Variants in NME7 observed in about 807,000 individuals in gnomAD.
NME7 encodes the protein NME/NM23 family member 7, also known as nucleoside diphosphate kinase 7.
In NME7, 41 loss-of-function variants were observed where a neutral mutation model predicts 49.1. The ratio of observed to expected loss-of-function variants is 0.83; its 90% confidence interval spans 0.65 to 1.08. The LOEUF (loss-of-function observed/expected upper bound fraction) is 1.08, where lower values mean the gene tolerates loss of function less well. Ranked by LOEUF, NME7 falls within the 50% of genes least tolerant of loss-of-function variation. The pLI is 0.00. For synonymous variants in NME7, 139 were observed against 150.6 expected (o/e 0.92, Z 0.56); for missense variants, 423 against 463.4 (o/e 0.91, Z 0.80).
chr1:169,270,515 T>G (rs1342304117), intron 7 of NME7, among the ~76,000 whole-genome samples: 1 of 134,322 alleles, frequency 7.4e-6, no homozygotes, highest in South Asian at 2.3e-4. Flanking sequence ...TTTTTCTCCC[T>G]GTAGATGATG....
chr1:169,193,269 T>C (rs1660286445), intron 10 of NME7, among the ~76,000 whole-genome samples: 2 of 152,200 alleles, frequency 1.3e-5, no homozygotes, highest in Admixed American at 1.3e-4. Flanking sequence ...GTGGCACATG[T>C]CTGCTGATTA....
chr1:169,360,626 C>G (rs1315755078), intron 1 of NME7, among the ~76,000 whole-genome samples: 1 of 152,158 alleles, frequency 6.6e-6, no homozygotes, highest in Non-Finnish European at 1.5e-5. Context: ...CACCTCTGTG[C>G]TCACTATTGA....
chr1:169,132,930 G>A, intron 11 of NME7, 113 bp from the exon 12 acceptor site: 1 of 663,726 alleles, frequency 1.5e-6, no homozygotes. Flanking sequence ...CCTTCCCAAA[G>A]ACACTAAAAG....
intron 1 of NME7, among the ~76,000 whole-genome samples, chr1:169,349,045 A>G (rs1327604257): frequency 6.6e-6 from 1 of 152,194 alleles, no homozygotes; most frequent in East Asian, 1.9e-4. Context: ...TCCTTATGTG[A>G]AAAGAATATA....
chr1:169,182,978 G>A (rs994580341), intron 10 of NME7, among the ~76,000 whole-genome samples: 60 of 152,174 alleles, frequency 3.9e-4, no homozygotes, highest in African/African-American at 1.4e-3. Context: ...ATTTTGTGAG[G>A]TGGTGGTTTT....
chr1:169,314,543 G>A (rs540633813), intron 3 of NME7, among the ~76,000 whole-genome samples: 1 of 152,054 alleles, frequency 6.6e-6, no homozygotes, highest in Non-Finnish European at 1.5e-5. Flanking sequence ...AGATGTCAGA[G>A]TTAAAGCCAA....
Position 169,160,150 on chromosome 1 carries a change from G to A in NME7, c.1098+9297C>T, listed in dbSNP as rs564165085. Among the ~76,000 whole-genome samples the A allele has an allele frequency of 8.5e-4, 130 of 152,202 alleles. 1 individual carries two copies. In the Middle Eastern group the frequency reaches 0.017, roughly 20 times the overall value. ...CCTGTTATTCCTGGGGTCTCTGTAGGTACCTTAGAAAAGCATTCGGTCCCT... is the reference window on the plus strand; with the variant it reads ...CCTGTTATTCCTGGGGTCTCTGTAGATACCTTAGAAAAGCATTCGGTCCCT... On this transcript the variant is annotated intron_variant, in intron 11 of 11. Transcript: ENST00000367811.
chr1:169,287,927 G>A (rs1650341044), intron 6 of NME7, among the ~76,000 whole-genome samples: 1 of 151,974 alleles, frequency 6.6e-6, no homozygotes, highest in Non-Finnish European at 1.5e-5. Context: ...GATTCAGGCT[G>A]TGTTATTCAC....
chr1:169,200,302 G>T (rs1660510122), intron 10 of NME7, among the ~76,000 whole-genome samples: 1 of 152,112 alleles, frequency 6.6e-6, no homozygotes. Flanking sequence ...TTATTTCCAA[G>T]AAGATATCTT....
At chr1:169,202,132 C>T (rs1251860859) in intron 10 of NME7, among the ~76,000 whole-genome samples, 3 of 152,132 alleles carry the variant, frequency 2.0e-5, no homozygotes, top group Non-Finnish European at 4.4e-5. Context: ...AGTTCATTTG[C>T]TGCACATAGT....
At chr1:169,227,255 A>C (rs943251325) in intron 10 of NME7, among the ~76,000 whole-genome samples, 6 of 152,174 alleles carry the variant, frequency 3.9e-5, no homozygotes, top group Non-Finnish European at 7.4e-5. Flanking sequence ...TCCAGCAGTA[A>C]TAAAGAGCTT....
intron 1 of NME7, among the ~76,000 whole-genome samples, chr1:169,354,955 T>G (rs1653336082): frequency 1.8e-5 from 1 of 56,132 alleles, no homozygotes; most frequent in Non-Finnish European, 3.9e-5. Context: ...ATATTATATA[T>G]GTTTATATAT....
At chr1:169,211,991 T>G (rs1660835659) in intron 10 of NME7, among the ~76,000 whole-genome samples, 3 of 152,134 alleles carry the variant, frequency 2.0e-5, no homozygotes, top group African/African-American at 7.2e-5. Context: ...TGTTTCTTCT[T>G]TTTATATTCA....
chr1:169,327,172 A>G (rs1267315093), intron 1 of NME7, among the ~76,000 whole-genome samples: 1 of 152,196 alleles, frequency 6.6e-6, no homozygotes, highest in Non-Finnish European at 1.5e-5. Flanking sequence ...TAGCACATAG[A>G]TACACCTTGA....
chr1:169,245,325 A>C (rs963579559), intron 7 of NME7, among the ~76,000 whole-genome samples: 4 of 152,146 alleles, frequency 2.6e-5, no homozygotes, highest in African/African-American at 9.7e-5. Context: ...ACTCACGAGC[A>C]TGAGAGCCCA....
intron 10 of NME7, among the ~76,000 whole-genome samples, chr1:169,212,526 A>G (rs71635610): frequency 1.1e-5 from 1 of 88,444 alleles, no homozygotes; most frequent in African/African-American, 3.1e-5. Flanking sequence ...GTACTCCCAA[A>G]TGAGGGTGAA....
rs571851924 is a variant in NME7 at position 169,223,794 on chromosome 1, G to T, written c.990+6924C>A. On this transcript the variant is annotated intron_variant, in intron 10 of 11. Coordinates refer to ENST00000367811, the MANE Select transcript of NME7 (RefSeq NM_013330.5). ...ACATGCATATATATATATAGAGAGA[G>T]AGAGAGAGAGAGATGTATTTTTCTG... Among the ~76,000 whole-genome samples the T allele has an allele frequency of 3.5e-3, 538 of 151,974 alleles. 1 individual carries two copies. The highest frequency in any genetic ancestry group is 4.6e-3 in the Non-Finnish European group (313 of 67,970).
intron 10 of NME7, among the ~76,000 whole-genome samples, chr1:169,210,151 A>G (rs1366519635): frequency 6.6e-6 from 1 of 152,166 alleles, no homozygotes; most frequent in Non-Finnish European, 1.5e-5. Context: ...AGTAAATCTC[A>G]ATCTAACAAA....
rs1303891925 is a variant in NME7, at chr1:169,256,585, A to AGCTTTGTTC, written c.755-18907_755-18899dup. ...AGCTCGTCAAAGTCATTCTCCATCC[A>AGCTTTGTTC]GCTTTGTTCCGTTGCCGGTGAGGAA... On this transcript the variant is annotated intron_variant, in intron 7 of 11. Transcript: ENST00000367811. 3.8e-5 allele frequency among the ~76,000 whole-genome samples: 5 copies of AGCTTTGTTC among 131,136 alleles called. 1 individual carries two copies. Among genetic ancestry groups the AGCTTTGTTC allele is most frequent in the Admixed American group, 3.7e-4 (5 of 13,356 alleles). The allele number at this position is 131,136 out of a possible 152,430, so 86.0% of individuals were successfully genotyped here.
Sources: allele counts gnomAD v4.1 joint callset (sites outside exome capture counted in the v4.1 genomes callset), GRCh38; gene constraint gnomAD v4.1.1; transcripts MANE v1.5; gene names NCBI Gene and HGNC (gene_info 2026-07-23, HGNC 2026-07-21).